CA10: variants seen among roughly 807,000 people sequenced by gnomAD.
CA10 encodes carbonic anhydrase-related protein 10.
A neutral mutation model predicts 44.2 loss-of-function variants in CA10; 14 were observed. The observed-to-expected ratio is 0.32, with a 90% CI of 0.21 to 0.50. The LOEUF (loss-of-function observed/expected upper bound fraction) is 0.50, where lower values mean the gene tolerates loss of function less well. Ranked by LOEUF, CA10 falls within the 20% of genes least tolerant of loss-of-function variation. CA10 has a pLI of 0.99. For synonymous variants in CA10, 159 were observed against 141.6 expected (o/e 1.12, Z -0.87); for missense variants, 350 against 409.7 (o/e 0.85, Z 1.26).
chr17:51,717,685 G>A (rs1442747922), intron 4 of CA10, among the ~76,000 whole-genome samples: 1,488 of 39,008 alleles, frequency 0.038, 245 homozygotes, highest in Non-Finnish European at 0.054. Flanking sequence ...ATGTATATAT[G>A]TATACATATA....
At chr17:51,664,152 A>C (rs932996891) in intron 4 of CA10, among the ~76,000 whole-genome samples, 2 of 152,316 alleles carry the variant, frequency 1.3e-5, no homozygotes, top group Non-Finnish European at 2.9e-5. Flanking sequence ...GTAGAGATTT[A>C]ATGTTATGTA....
At position 52,057,958 on chromosome 17, in the gene CA10, C is replaced by T. The variant is rs149001793; in HGVS notation, c.136+14361G>A. ...AGCTAGAACCACTTGTGTTGATTGGCCAGAAATTTCCTGGTGTGACTAGGA... is the reference window on the plus strand; with the variant it reads ...AGCTAGAACCACTTGTGTTGATTGGTCAGAAATTTCCTGGTGTGACTAGGA... On this transcript the variant is annotated intron_variant, in intron 2 of 8. Coordinates refer to ENST00000451037, the MANE Select transcript of CA10 (RefSeq NM_020178.5). Among the ~76,000 whole-genome samples, 320 of 151,984 alleles carry T rather than the reference C, an allele frequency of 2.1e-3. 1 individual carries two copies. The highest frequency in any genetic ancestry group is 7.3e-3 in the African/African-American group (303 of 41,452).
At chr17:51,759,358 CTGTGTGTGTGTGTGTGTGTGTG>C (rs5820879) in intron 3 of CA10, among the ~76,000 whole-genome samples, 2 of 141,978 alleles carry the variant, frequency 1.4e-5, no homozygotes, top group African/African-American at 5.2e-5. Flanking sequence ...CTTCTTTGCT[CTGTGTGTGTGTGTGTGTGTGTG>C]TGTGTGTGTG....
intron 3 of CA10, among the ~76,000 whole-genome samples, chr17:51,891,855 G>A (rs927267765): frequency 2.6e-5 from 4 of 152,186 alleles, no homozygotes; most frequent in African/African-American, 9.7e-5. Flanking sequence ...AGGTTTAAGG[G>A]TAAAGGGAGG....
At chr17:51,814,509 G>A (rs73989409) in intron 3 of CA10, among the ~76,000 whole-genome samples, 3,975 of 152,280 alleles carry the variant, frequency 0.026, 153 homozygotes, top group African/African-American at 0.083. Context: ...AAAGGCTGTT[G>A]TAAGTCCTGC....
intron 1 of CA10, among the ~76,000 whole-genome samples, chr17:52,152,576 C>T (rs1486966819): frequency 6.6e-6 from 1 of 152,078 alleles, no homozygotes; most frequent in Non-Finnish European, 1.5e-5. Context: ...AACAATTAGA[C>T]ATTATTCCTA....
At chr17:51,938,275 G>A (rs1982942237) in intron 2 of CA10, among the ~76,000 whole-genome samples, 1 of 152,124 alleles carries the variant, frequency 6.6e-6, no homozygotes, top group South Asian at 2.1e-4. Flanking sequence ...AGAAGGGGTT[G>A]AGTGAGGAGG....
At chr17:51,958,206 G>A (rs1235066841) in intron 2 of CA10, among the ~76,000 whole-genome samples, 2 of 151,940 alleles carry the variant, frequency 1.3e-5, no homozygotes, top group African/African-American at 2.4e-5. Context: ...GATAGTGGTA[G>A]TAGAATTGCC....
chr17:51,965,228 T>A (rs181915045), intron 2 of CA10, among the ~76,000 whole-genome samples: 204 of 151,892 alleles, frequency 1.3e-3, no homozygotes, highest in Non-Finnish European at 2.6e-3. Flanking sequence ...AAATCAATAA[T>A]GAGTTCTGAA....
At chr17:51,844,301 A>G (rs908888500) in intron 3 of CA10, among the ~76,000 whole-genome samples, 1 of 152,218 alleles carries the variant, frequency 6.6e-6, no homozygotes, top group African/African-American at 2.4e-5. Context: ...GAGAAAGTCA[A>G]AATTAAGTAA....
At chr17:51,770,051 AATCTAAG>A (rs1905539277) in intron 3 of CA10, among the ~76,000 whole-genome samples, 1 of 151,980 alleles carries the variant, frequency 6.6e-6, no homozygotes, top group East Asian at 1.9e-4. Flanking sequence ...CTTCCTCCCA[AATCTAAG>A]ATTCTATATC....
chr17:52,087,615 C>T (rs1988152184), intron 1 of CA10, among the ~76,000 whole-genome samples: 1 of 152,132 alleles, frequency 6.6e-6, no homozygotes, highest in Non-Finnish European at 1.5e-5. Flanking sequence ...CAATTCTGTT[C>T]TATACAGTGA....
chr17:52,090,032 A>G (rs1056203334), intron 1 of CA10, among the ~76,000 whole-genome samples: 1 of 152,208 alleles, frequency 6.6e-6, no homozygotes, highest in African/African-American at 2.4e-5. Flanking sequence ...AAAAGAAGCC[A>G]TGATTTTAAA....
intron 1 of CA10, among the ~76,000 whole-genome samples, chr17:52,096,911 AGATACAATTCATTCATTTTAACTGCAAT>A (rs1394577339): frequency 3.1e-4 from 47 of 152,348 alleles, no homozygotes; most frequent in African/African-American, 1.1e-3. Flanking sequence ...ATCATAATGC[AGATACAATTCATTCATTTTAACTGCAAT>A]GATACAATTC....
At chr17:51,967,294 T>C (rs1984115789) in intron 2 of CA10, among the ~76,000 whole-genome samples, 1 of 151,002 alleles carries the variant, frequency 6.6e-6, no homozygotes, top group South Asian at 2.1e-4. Flanking sequence ...TCTTGAAGAA[T>C]CTTAGAACTA....
chr17:51,845,379 GC>G (rs1978447915), intron 3 of CA10, among the ~76,000 whole-genome samples: 1 of 152,174 alleles, frequency 6.6e-6, no homozygotes, highest in Non-Finnish European at 1.5e-5. Context: ...CTGCAGAGAG[GC>G]CCCATGGTGA....
At chr17:51,884,036 T>C (rs1980489358) in intron 3 of CA10, among the ~76,000 whole-genome samples, 2 of 152,186 alleles carry the variant, frequency 1.3e-5, no homozygotes, top group Non-Finnish European at 2.9e-5. Flanking sequence ...GTAGTCATCC[T>C]TGACCCTTCT....
At chr17:51,953,571 A>G (rs1413851712) in intron 2 of CA10, among the ~76,000 whole-genome samples, 5 of 152,106 alleles carry the variant, frequency 3.3e-5, no homozygotes, top group Non-Finnish European at 5.9e-5. Context: ...GAGTCTTCTC[A>G]AGAACTAGCC....
chr17:51,634,553 AGAG>A (rs1222532418), intron 7 of CA10, among the ~76,000 whole-genome samples: 2 of 152,302 alleles, frequency 1.3e-5, no homozygotes, highest in Non-Finnish European at 2.9e-5. Context: ...TCAATAAAGA[AGAG>A]GAGTGTTCAT....
Sources: allele counts gnomAD v4.1 joint callset (sites outside exome capture counted in the v4.1 genomes callset), GRCh38; gene constraint gnomAD v4.1.1; transcripts MANE v1.5; gene names NCBI Gene and HGNC (gene_info 2026-07-23, HGNC 2026-07-21).